The following ACOXL variants were observed in gnomAD, a reference collection of about 807,000 sequenced individuals.
The protein encoded by ACOXL is acyl-coenzyme A oxidase-like protein.
A neutral mutation model predicts 71.9 loss-of-function variants in ACOXL; 70 were observed. The ratio of observed to expected loss-of-function variants is 0.97; its 90% confidence interval spans 0.80 to 1.19. The LOEUF (loss-of-function observed/expected upper bound fraction) is 1.19. Ranked by LOEUF, ACOXL falls within the 50% of genes most tolerant of loss-of-function variation. ACOXL has a pLI of 0.00. For missense variants in ACOXL, 703 were observed against 736.3 expected, an observed-to-expected ratio of 0.95 and a Z score of 0.52; for synonymous variants, 253 against 281.6, an observed-to-expected ratio of 0.90 and a Z score of 1.02.
intron 11 of ACOXL, among the ~76,000 whole-genome samples, chr2:110,913,482 C>T (rs1433686275): frequency 1.3e-5 from 2 of 152,066 alleles, no homozygotes; most frequent in Non-Finnish European, 2.9e-5. Flanking sequence ...AAACATTATG[C>T]TAAGTGAAAG....
At chr2:110,850,807 C>T (rs1052575698) in intron 10 of ACOXL, among the ~76,000 whole-genome samples, 5 of 152,204 alleles carry the variant, frequency 3.3e-5, no homozygotes, top group Non-Finnish European at 7.3e-5. Context: ...CCAGAGATTA[C>T]ACTCCCGGAT....
intron 16 of ACOXL, among the ~76,000 whole-genome samples, chr2:111,056,389 C>A (rs2066539170): frequency 6.6e-6 from 1 of 152,118 alleles, no homozygotes; most frequent in Admixed American, 6.6e-5. Context: ...AAGCTCAGCT[C>A]AAACCAACCC....
intron 11 of ACOXL, among the ~76,000 whole-genome samples, chr2:110,928,737 C>A (rs2060371703): frequency 6.6e-6 from 1 of 152,266 alleles, no homozygotes; most frequent in South Asian, 2.1e-4. Flanking sequence ...TCCCATAATT[C>A]CCACGTGTTG....
intron 10 of ACOXL, among the ~76,000 whole-genome samples, chr2:110,847,484 G>C (rs1692060830): frequency 6.6e-6 from 1 of 152,172 alleles, no homozygotes; most frequent in South Asian, 2.1e-4. Context: ...CAACGATTTT[G>C]CTTTGTTTTT....
chr2:111,095,488 C>T (rs1574747427), intron 17 of ACOXL, among the ~76,000 whole-genome samples: 1 of 147,864 alleles, frequency 6.8e-6, no homozygotes, highest in Non-Finnish European at 1.5e-5. Flanking sequence ...GCCTCCCGGG[C>T]TCAAGTGATT....
intron 3 of ACOXL, among the ~76,000 whole-genome samples, chr2:110,786,166 T>C (rs1683933155): frequency 6.6e-6 from 1 of 152,140 alleles, no homozygotes; most frequent in South Asian, 2.1e-4. Context: ...ATTCCTCATA[T>C]CCAAACACCC....
At chr2:110,960,515 G>A (rs1314820371) in intron 12 of ACOXL, among the ~76,000 whole-genome samples, 3 of 151,968 alleles carry the variant, frequency 2.0e-5, no homozygotes, top group African/African-American at 4.8e-5. Context: ...GTTGGCTTCC[G>A]AGTCTTTCAT....
At chr2:110,776,683 G>A (rs1464201526) in intron 2 of ACOXL, among the ~76,000 whole-genome samples, 1 of 151,964 alleles carries the variant, frequency 6.6e-6, no homozygotes. Flanking sequence ...GAGGAGAGAG[G>A]TGGTGACAAC....
chr2:111,084,326 T>TG (rs2068094272), intron 16 of ACOXL, among the ~76,000 whole-genome samples: 1 of 148,980 alleles, frequency 6.7e-6, no homozygotes, highest in African/African-American at 2.5e-5. Flanking sequence ...GGAAGGATTG[T>TG]GGGGGAGACA....
At chr2:111,050,019 C>CACTG (rs139015452) in intron 16 of ACOXL, among the ~76,000 whole-genome samples, 36,720 of 151,954 alleles carry the variant, frequency 0.24, 4,797 homozygotes, top group African/African-American at 0.33. Flanking sequence ...ACTTTCCCAC[C>CACTG]ACTAAGACTC....
At chr2:110,916,695 A>G (rs538613014) in intron 11 of ACOXL, among the ~76,000 whole-genome samples, 1 of 152,204 alleles carries the variant, frequency 6.6e-6, no homozygotes, top group South Asian at 2.1e-4. Context: ...AAAAGAATCA[A>G]ATAGACACAG....
intron 14 of ACOXL, among the ~76,000 whole-genome samples, chr2:111,006,720 G>A (rs914593995): frequency 1.3e-5 from 2 of 151,986 alleles, no homozygotes; most frequent in African/African-American, 4.8e-5. Context: ...CACCACGTCT[G>A]GCTAATTTTT....
chr2:110,799,103 G>A lies in ACOXL; in HGVS notation c.547+3G>A, dbSNP rs776315753. The A allele has an allele frequency of 1.2e-6, 2 of 1,613,632 alleles. No individual in the cohort carries two copies. On this transcript the variant is annotated splice_donor_region_variant and intron_variant, in intron 7 of 17. Transcript: ENST00000439055. ...TATTGATATGATGTACAAGGAGGGT[G>A]AGTCCCCAGGTGCCCTTTTCCTGTG... is the stretch of plus-strand genomic sequence containing the variant.
At chr2:110,834,156 T>C (rs562713049) in intron 9 of ACOXL, among the ~76,000 whole-genome samples, 1 of 152,356 alleles carries the variant, frequency 6.6e-6, no homozygotes, top group East Asian at 1.9e-4. Context: ...CTTCCTCCTC[T>C]TCTGGCTGAT....
At chr2:110,909,286 G>A (rs116359035) in intron 11 of ACOXL, among the ~76,000 whole-genome samples, 1,649 of 152,218 alleles carry the variant, frequency 0.011, 14 homozygotes, top group Middle Eastern at 0.051. Context: ...TCAAAAATAC[G>A]TCCAGGTGTG....
chr2:111,068,872 G>C (rs1467889515), intron 16 of ACOXL, among the ~76,000 whole-genome samples: 1 of 152,168 alleles, frequency 6.6e-6, no homozygotes, highest in South Asian at 2.1e-4. Context: ...GGAAAAATTA[G>C]CAAGGAAGGA....
intron 9 of ACOXL, among the ~76,000 whole-genome samples, chr2:110,806,286 G>A (rs955313166): frequency 1.3e-5 from 2 of 152,188 alleles, no homozygotes; most frequent in Non-Finnish European, 2.9e-5. Flanking sequence ...ACGCGTACGC[G>A]GCCTGGCCTC....
At chr2:110,862,209 G>A (rs1429807657) in intron 10 of ACOXL, among the ~76,000 whole-genome samples, 2 of 152,148 alleles carry the variant, frequency 1.3e-5, no homozygotes, top group Admixed American at 6.5e-5. Flanking sequence ...AGCCACATGC[G>A]ACATTGGGAA....
Position 111,023,547 on chromosome 2 carries a change from G to A in ACOXL, c.1282-8080G>A, listed in dbSNP as rs551565243. The stretch of plus-strand genomic sequence containing the variant: ...TGAGGAAGGGGCCATCTGTGGGTCC[G>A]GATGGGTGTGGGGACGTGTGGGAGA... On this transcript the variant is annotated intron_variant, in intron 14 of 17. Coordinates refer to ENST00000439055, the MANE Select transcript of ACOXL (RefSeq NM_001142807.4). 3.3e-5 allele frequency among the ~76,000 whole-genome samples: 5 copies of A among 152,274 alleles called. No homozygotes were observed. The South Asian group carries it at 8.3e-4, about 25-fold the overall frequency.
Sources: gnomAD v4.1 joint callset for allele counts (sites outside exome capture counted in the v4.1 genomes callset) on GRCh38, gnomAD v4.1.1 for gene constraint, MANE v1.5 for transcripts, NCBI Gene and HGNC (gene_info 2026-07-23, HGNC 2026-07-21) for gene names.